Variants in STPG2 observed in about 807,000 individuals in gnomAD.
The protein encoded by STPG2 is sperm tail PG-rich repeat containing 2.
Under a neutral mutation model 54.2 loss-of-function variants are expected in STPG2, and 56 were observed. That is an observed-to-expected ratio of 1.03 (90% CI 0.83 to 1.29). The LOEUF (loss-of-function observed/expected upper bound fraction) is 1.29, where lower values mean the gene tolerates loss of function less well. STPG2 is among the 50% of genes most tolerant of loss of function. The probability of loss-of-function intolerance (pLI) is 0.00; values close to 1 mark genes in which losing one functional copy is unlikely to be tolerated. For missense variants in STPG2, 596 were observed against 544.9 expected (o/e 1.09, Z -0.93); for synonymous variants, 200 against 181.8 (o/e 1.10, Z -0.81).
chr4:98,008,027 T>A (rs191010763), intron 5 of STPG2, among the ~76,000 whole-genome samples: 1 of 152,198 alleles, frequency 6.6e-6, no homozygotes, highest in Non-Finnish European at 1.5e-5. Context: ...GGAAAATCTA[T>A]TTAAAGAAAT....
intron 10 of STPG2, among the ~76,000 whole-genome samples, chr4:97,690,604 A>G (rs1193959221): frequency 6.6e-6 from 1 of 152,150 alleles, no homozygotes; most frequent in Non-Finnish European, 1.5e-5. Context: ...TCTCCATAAC[A>G]TATTTAGCAA....
intron 4 of STPG2, among the ~76,000 whole-genome samples, chr4:97,442,974 A>G (rs1033343806): frequency 6.6e-6 from 1 of 151,450 alleles, no homozygotes; most frequent in African/African-American, 2.5e-5. Flanking sequence ...TTGAGAGTTG[A>G]AAGGAAAGGA....
intron 5 of STPG2, among the ~76,000 whole-genome samples, chr4:98,098,092 G>A (rs1486666212): frequency 6.6e-6 from 1 of 151,950 alleles, no homozygotes; most frequent in African/African-American, 2.4e-5. Flanking sequence ...AGATACCAAT[G>A]ACATTTTTCA....
chr4:97,492,710 T>C (rs1730528494), intron 4 of STPG2, among the ~76,000 whole-genome samples: 2 of 151,340 alleles, frequency 1.3e-5, no homozygotes, highest in South Asian at 4.2e-4. Flanking sequence ...TTTATTATAT[T>C]TCCACCAGAA....
chr4:97,738,063 T>G (rs1486079783), intron 9 of STPG2, among the ~76,000 whole-genome samples: 2 of 152,176 alleles, frequency 1.3e-5, no homozygotes, highest in Admixed American at 6.5e-5. Flanking sequence ...TATTCAACAT[T>G]CTTAAAGAAA....
intron 8 of STPG2, among the ~76,000 whole-genome samples, chr4:97,882,976 T>TACACAC (rs34481744): frequency 0.033 from 4,810 of 146,922 alleles, 85 homozygotes; most frequent in South Asian, 0.043. Context: ...ACATACCACA[T>TACACAC]ACACACACAC....
chr4:97,491,338 C>G (rs1247217870), intron 4 of STPG2, among the ~76,000 whole-genome samples: 3 of 151,482 alleles, frequency 2.0e-5, no homozygotes, highest in Non-Finnish European at 4.4e-5. Flanking sequence ...TTACCTCACC[C>G]CCACAACAGC....
chr4:98,090,876 C>T (rs1483569187), intron 5 of STPG2, among the ~76,000 whole-genome samples: 4 of 150,620 alleles, frequency 2.7e-5, no homozygotes, highest in Non-Finnish European at 5.9e-5. Context: ...TGAGATCCTC[C>T]TCAATTTTCT....
At chr4:98,009,284 T>A (rs1735664943) in intron 5 of STPG2, among the ~76,000 whole-genome samples, 1 of 151,948 alleles carries the variant, frequency 6.6e-6, no homozygotes, top group African/African-American at 2.4e-5. Flanking sequence ...TTAGTTTTTT[T>A]CATTTTTTTA....
intron 10 of STPG2, among the ~76,000 whole-genome samples, chr4:97,612,992 T>C (rs1733768317): frequency 6.6e-6 from 1 of 152,072 alleles, no homozygotes; most frequent in African/African-American, 2.4e-5. Context: ...TAACTTTAAA[T>C]TCACATAAAA....
chr4:97,920,723 C>A (rs531381202), intron 8 of STPG2, among the ~76,000 whole-genome samples: 61 of 152,118 alleles, frequency 4.0e-4, no homozygotes, highest in Non-Finnish European at 8.4e-4. Flanking sequence ...TAGACAGGAC[C>A]ATAGACGTGA....
Position 97,943,900 on chromosome 4 carries a change from A to C in STPG2, c.1041T>G (p.Asp347Glu). The change falls in exon 8 of 11, where the codon GAT (aspartate) becomes GAG (glutamate). Residue 347 changes from aspartate to glutamate, a missense_variant. By Grantham distance (45) the Asp-to-Glu change is conservative. Transcript: ENST00000295268. ...TTGATTGTAGGAGTATTCTTACCAT[A>C]TCTGGTACTTTCATAGTTCTTTTGG... ...SRAKRTMKVP[D>E]MVIPAPGSYD... is the part of the protein sequence containing the mutation. 6.4e-7 allele frequency: 1 copy of C among 1,565,174 alleles called. No individual in the cohort carries two copies. The highest frequency in any genetic ancestry group is 8.6e-7 in the Non-Finnish European group (1 of 1,160,448).
At chr4:97,537,474 C>G (rs1197601806) in intron 4 of STPG2, among the ~76,000 whole-genome samples, 1 of 152,186 alleles carries the variant, frequency 6.6e-6, no homozygotes, top group Non-Finnish European at 1.5e-5. Flanking sequence ...GATCGAACTG[C>G]AAGGCAGCAG....
At chr4:97,726,656 C>G (rs1165945834) in intron 9 of STPG2, among the ~76,000 whole-genome samples, 1 of 151,790 alleles carries the variant, frequency 6.6e-6, no homozygotes, top group Non-Finnish European at 1.5e-5. Context: ...AAAATTAATC[C>G]TTGCATTCTA....
At chr4:97,809,624 G>T (rs2149096051) in intron 9 of STPG2, among the ~76,000 whole-genome samples, 1 of 152,288 alleles carries the variant, frequency 6.6e-6, no homozygotes. Context: ...CAGCATTTAT[G>T]AGCTCAGAGA....
intron 10 of STPG2, among the ~76,000 whole-genome samples, chr4:97,635,669 A>G (rs960605233): frequency 3.9e-5 from 6 of 152,156 alleles, no homozygotes; most frequent in Non-Finnish European, 7.3e-5. Context: ...ATGGAAAACA[A>G]AAAAAGGCAG....
At chr4:97,883,006 A>AC (rs1730434048) in intron 8 of STPG2, among the ~76,000 whole-genome samples, 2 of 121,842 alleles carry the variant, frequency 1.6e-5, no homozygotes, top group Admixed American at 7.8e-5. Context: ...CACACACACA[A>AC]GTACACACAA....
At position 97,889,816 on chromosome 4, in the gene STPG2, A is replaced by G. The variant is rs186774184; in HGVS notation, c.1045-48884T>C. Among the ~76,000 whole-genome samples, 647 of 152,234 alleles carry G rather than the reference A, an allele frequency of 4.3e-3. 3 individuals carry two copies. The highest frequency in any genetic ancestry group is 0.024 in the South Asian group (116 of 4,820). ...ATTCTTGAAAAATCCTAAGAGAGTG[A>G]CATACAATATTTTCTCAGTACGAAA... On this transcript the variant is annotated intron_variant, in intron 8 of 10. Coordinates refer to ENST00000295268, the MANE Select transcript of STPG2 (RefSeq NM_174952.3).
rs375406257 is a variant in STPG2 at position 97,483,107 on chromosome 4, T to C, written c.462+229592A>G. On this transcript the variant is annotated intron_variant, in intron 4 of 4. Coordinates refer to the STPG2 transcript ENST00000522676. ...GAAACACATCAAAACAGGACCTCTTTAAAGCATAAATCAGACAGGACCTAT... is the reference window on the plus strand; with the variant it reads ...GAAACACATCAAAACAGGACCTCTTCAAAGCATAAATCAGACAGGACCTAT... Among the ~76,000 whole-genome samples the C allele has an allele frequency of 6.6e-5, 10 of 151,808 alleles. No homozygotes were observed. In the South Asian group the frequency reaches 1.5e-3, roughly 22 times the overall value.
Sources: gnomAD v4.1 joint callset for allele counts (sites outside exome capture counted in the v4.1 genomes callset) on GRCh38, gnomAD v4.1.1 for gene constraint, MANE v1.5 for transcripts, NCBI Gene and HGNC (gene_info 2026-07-23, HGNC 2026-07-21) for gene names.